Variants in RGL1 observed in about 807,000 individuals in gnomAD.
RGL1 encodes ral guanine nucleotide dissociation stimulator like 1.
A neutral mutation model predicts 95.2 loss-of-function variants in RGL1; 24 were observed. The ratio of observed to expected loss-of-function variants is 0.25; its 90% confidence interval spans 0.18 to 0.35. RGL1 has a LOEUF of 0.35. Among genes scored for constraint, RGL1 ranks in the 10% least tolerant of loss-of-function variants. The pLI, the probability that RGL1 is intolerant of heterozygous loss-of-function variation, is 1.00. For synonymous variants in RGL1, 329 were observed against 344.9 expected, an observed-to-expected ratio of 0.95 and a Z score of 0.51; for missense variants, 715 against 936.3, an observed-to-expected ratio of 0.76 and a Z score of 3.08.
chr1:183,712,822 G>T (rs1156386355), intron 1 of RGL1, among the ~76,000 whole-genome samples: 1 of 152,178 alleles, frequency 6.6e-6, no homozygotes, highest in Non-Finnish European at 1.5e-5. Flanking sequence ...TAAATGTTTT[G>T]TGGCATTCTT....
intron 1 of RGL1, among the ~76,000 whole-genome samples, chr1:183,639,281 T>A (rs1233226507): frequency 1.8e-4 from 20 of 114,284 alleles, no homozygotes; most frequent in African/African-American, 5.3e-4. Flanking sequence ...ACACTTCATC[T>A]CAAAAAAAAA....
At chr1:183,892,227 T>TAGGGCTTCCTTGTGTGAGGGCTCCTTAAG in intron 9 of RGL1, 66 bp downstream of exon 9, 1 of 1,180,208 alleles carries the variant, frequency 8.5e-7, no homozygotes, top group Non-Finnish European at 1.2e-6. Context: ...CAAGGAAGAG[T>TAGGGCTTCCTTGTGTGAGGGCTCCTTAAG]AGTGTGAGGG....
At chr1:183,741,468 A>G (rs1325948425) in intron 1 of RGL1, among the ~76,000 whole-genome samples, 1 of 152,214 alleles carries the variant, frequency 6.6e-6, no homozygotes, top group Non-Finnish European at 1.5e-5. Flanking sequence ...TAGCGAAACC[A>G]AGGCCCAAGA....
At chr1:183,694,164 A>T (rs1483445936) in intron 1 of RGL1, among the ~76,000 whole-genome samples, 2 of 152,134 alleles carry the variant, frequency 1.3e-5, no homozygotes, top group African/African-American at 4.8e-5. Flanking sequence ...AGAGAATTTT[A>T]TGTCTCTTGG....
intron 1 of RGL1, among the ~76,000 whole-genome samples, chr1:183,719,362 A>G (rs1655848398): frequency 6.6e-6 from 1 of 152,172 alleles, no homozygotes; most frequent in South Asian, 2.1e-4. Context: ...ATTCCAAGGA[A>G]ATTACAGATT....
rs953123883 is a variant in RGL1, at chr1:183,663,715, A to G, written c.-33+27214A>G. 4.9e-3 allele frequency among the ~76,000 whole-genome samples: 746 copies of G among 151,898 alleles called. 4 individuals are homozygous for G. The highest frequency in any genetic ancestry group is 0.011 in the African/African-American group (471 of 41,210). On this transcript the variant is annotated intron_variant, in intron 1 of 18. Transcript: ENST00000304685. Reference sequence around the variant, plus strand: ...TGACCCAGCCATCCCATTACTGGGTATATACCCAAAGGACTATAAATCATG... The same window carrying G: ...TGACCCAGCCATCCCATTACTGGGTGTATACCCAAAGGACTATAAATCATG...
chr1:183,790,076 A>G (rs573768485), intron 2 of RGL1, among the ~76,000 whole-genome samples: 1 of 151,574 alleles, frequency 6.6e-6, no homozygotes, highest in South Asian at 2.1e-4. Context: ...ACCCGCCACC[A>G]CACCCAGCTA....
intron 2 of RGL1, among the ~76,000 whole-genome samples, chr1:183,762,705 A>C (rs1454267299): frequency 1.3e-5 from 2 of 152,198 alleles, no homozygotes; most frequent in Admixed American, 1.3e-4. Context: ...TTCTCACACC[A>C]GTTAGAATGA....
chr1:183,647,871 A>G (rs1650414807), intron 1 of RGL1: 1 of 1,614,064 alleles, frequency 6.2e-7, no homozygotes, highest in Non-Finnish European at 8.5e-7. Flanking sequence ...GCCCATATGC[A>G]TTGGTGGTAA....
chr1:183,682,121 C>G (rs922030857), intron 1 of RGL1, among the ~76,000 whole-genome samples: 3 of 152,108 alleles, frequency 2.0e-5, no homozygotes, highest in African/African-American at 7.2e-5. Context: ...AAAACCAGCT[C>G]CTGGATTCAT....
intron 2 of RGL1, among the ~76,000 whole-genome samples, chr1:183,835,217 C>CG (rs754264399): frequency 1.3e-5 from 2 of 151,926 alleles, no homozygotes; most frequent in Non-Finnish European, 2.9e-5. Flanking sequence ...TTTCTATATG[C>CG]TACTTTCTTC....
intron 7 of RGL1, 92 bp from the exon 8 acceptor site, chr1:183,888,382 A>G: frequency 1.3e-6 from 1 of 758,220 alleles, no homozygotes; most frequent in Non-Finnish European, 2.3e-6. Flanking sequence ...AAGAATTCAT[A>G]GCAGCTGTGA....
At chr1:183,824,292 C>T (rs1662701729) in intron 2 of RGL1, among the ~76,000 whole-genome samples, 1 of 152,160 alleles carries the variant, frequency 6.6e-6, no homozygotes, top group African/African-American at 2.4e-5. Context: ...TTCCGCTCAT[C>T]ACATCTGCTT....
At chr1:183,882,583 G>A (rs932779339) in intron 5 of RGL1, among the ~76,000 whole-genome samples, 5 of 152,186 alleles carry the variant, frequency 3.3e-5, no homozygotes, top group African/African-American at 1.2e-4. Flanking sequence ...CGCAGACTCC[G>A]GGGATAGGCA....
chr1:183,878,238 C>G (rs1293944273), intron 4 of RGL1, among the ~76,000 whole-genome samples: 3 of 151,588 alleles, frequency 2.0e-5, no homozygotes, highest in Admixed American at 1.3e-4. Flanking sequence ...GCTCTGTTAC[C>G]CAGGCTGGAG....
chr1:183,643,262 T>TTTTATTTA (rs374025637), intron 1 of RGL1, among the ~76,000 whole-genome samples: 4,803 of 136,102 alleles, frequency 0.035, 101 homozygotes, highest in Admixed American at 0.057. Context: ...GGTCCTGTTT[T>TTTTATTTA]TTTATTTATT....
Position 183,891,733 on chromosome 1 carries a change from GTTTT to G in RGL1, c.1056-320_1056-317del, listed in dbSNP as rs57974956. 3.4e-3 allele frequency among the ~76,000 whole-genome samples: 420 copies of G among 123,896 alleles called. 1 individual carries two copies. Among genetic ancestry groups the G allele is most frequent in the African/African-American group, 0.011 (382 of 33,598 alleles). 81.3% of individuals were successfully genotyped at this position (123,896 alleles called of 152,430 possible). On this transcript the variant is annotated intron_variant, in intron 8 of 17. Transcript: ENST00000360851. The stretch of plus-strand genomic sequence containing the variant: ...ATCTGTGGGCTCTGTGTGTGTAACA[GTTTT>G]TTTTTTTTTTTTTTTTTTTTTTTGT...
intron 2 of RGL1, among the ~76,000 whole-genome samples, chr1:183,820,248 A>C (rs1332050466): frequency 2.0e-5 from 3 of 152,166 alleles, no homozygotes; most frequent in African/African-American, 7.2e-5. Flanking sequence ...CGTTTGTGAT[A>C]GGCAGGAAAT....
intron 2 of RGL1, among the ~76,000 whole-genome samples, chr1:183,814,954 A>G (rs1182182784): frequency 6.6e-6 from 1 of 152,252 alleles, no homozygotes; most frequent in Non-Finnish European, 1.5e-5. Context: ...AAAATGCTTT[A>G]TAGTCATGAC....
Sources: gnomAD v4.1 joint callset for allele counts (sites outside exome capture counted in the v4.1 genomes callset) on GRCh38, gnomAD v4.1.1 for gene constraint, MANE v1.5 for transcripts, NCBI Gene and HGNC (gene_info 2026-07-23, HGNC 2026-07-21) for gene names.